Variants in PDE12 observed in about 807,000 individuals in gnomAD.
PDE12 encodes the protein phosphodiesterase 12.
In PDE12, 26 loss-of-function variants were observed where a neutral mutation model predicts 45.4. The observed-to-expected ratio is 0.57, with a 90% confidence interval of 0.42 to 0.79. The LOEUF is 0.79. PDE12 is among the 30% of genes least tolerant of loss of function. The pLI is 0.00. For missense variants in PDE12, 668 were observed against 790.0 expected, an observed-to-expected ratio of 0.85 and a Z score of 1.85; for synonymous variants, 283 against 323.9, an observed-to-expected ratio of 0.87 and a Z score of 1.36.
the PDE12 span, among the ~76,000 whole-genome samples, chr3:57,643,177 A>G: frequency 6.6e-6 from 1 of 152,152 alleles, no homozygotes; most frequent in Non-Finnish European, 1.5e-5. Context: ...ATATTTTAGG[A>G]TATCAAACTG....
chr3:57,573,589 CTGAT>C, the PDE12 span, among the ~76,000 whole-genome samples: 1 of 152,086 alleles, frequency 6.6e-6, no homozygotes, highest in Non-Finnish European at 1.5e-5. Flanking sequence ...GATTGATCGA[CTGAT>C]TGTTTTGAGG....
the PDE12 span, among the ~76,000 whole-genome samples, chr3:57,591,781 GACA>G: frequency 6.6e-6 from 1 of 151,978 alleles, no homozygotes; most frequent in African/African-American, 2.4e-5. Flanking sequence ...AATGAACTTT[GACA>G]ACATCATGCC....
At chr3:57,607,057 G>A in the PDE12 span, among the ~76,000 whole-genome samples, 1 of 152,144 alleles carries the variant, frequency 6.6e-6, no homozygotes, top group East Asian at 1.9e-4. Context: ...GCTTCCAGAG[G>A]AACAATCAGG....
chr3:57,559,239 A>G (rs999349405), intron 1 of PDE12, 71 bp from the exon 2 acceptor site: 37 of 1,313,728 alleles, frequency 2.8e-5, no homozygotes, highest in Non-Finnish European at 9.8e-6. Context: ...AAAAAAACAA[A>G]CAAACAAACA....
At chr3:57,575,585 G>A in the PDE12 span, 1 of 1,613,318 alleles carries the variant, frequency 6.2e-7, no homozygotes, top group Non-Finnish European at 8.5e-7. Flanking sequence ...TAGTTTATCT[G>A]TCATTTCACT....
At chr3:57,634,816 T>C in the PDE12 span, 2 of 1,425,418 alleles carry the variant, frequency 1.4e-6, no homozygotes, top group South Asian at 1.5e-5. Context: ...TAATCATACA[T>C]ATTACAAAAT....
At chr3:57,590,616 T>C in the PDE12 span, among the ~76,000 whole-genome samples, 1 of 152,254 alleles carries the variant, frequency 6.6e-6, no homozygotes, top group Non-Finnish European at 1.5e-5. Context: ...TTTTCCTTTA[T>C]CTTTCAAATT....
the PDE12 span, among the ~76,000 whole-genome samples, chr3:57,644,732 AAGGGAGGGGAGGGGT>A: frequency 6.1e-5 from 1 of 16,412 alleles, no homozygotes; most frequent in Non-Finnish European, 1.2e-4. Context: ...AGAGGAGGGG[AAGGGAGGGGAGGGGT>A]GGGGAGGGGA....
the PDE12 span, among the ~76,000 whole-genome samples, chr3:57,620,673 C>G: frequency 6.6e-6 from 1 of 151,912 alleles, no homozygotes; most frequent in Admixed American, 6.6e-5. Context: ...GACCGTACTA[C>G]TATTTTGAAC....
At chr3:57,636,936 CAAAAAAA>C in the PDE12 span, among the ~76,000 whole-genome samples, 13 of 52,008 alleles carry the variant, frequency 2.5e-4, no homozygotes, top group South Asian at 3.6e-3. Context: ...GACTCTGTCT[CAAAAAAA>C]AAAAAAAAAA....
chr3:57,644,851 C>T, the PDE12 span, among the ~76,000 whole-genome samples: 1 of 137,138 alleles, frequency 7.3e-6, no homozygotes, highest in Non-Finnish European at 1.6e-5. Flanking sequence ...AAAAACAGGG[C>T]AATGATATGC....
At chr3:57,635,510 T>C in the PDE12 span, among the ~76,000 whole-genome samples, 3 of 152,100 alleles carry the variant, frequency 2.0e-5, no homozygotes, top group Admixed American at 6.6e-5. Context: ...CCCTCCCTCT[T>C]CTCTGCATAA....
the PDE12 span, among the ~76,000 whole-genome samples, chr3:57,647,018 T>C: frequency 6.6e-6 from 1 of 152,186 alleles, no homozygotes; most frequent in Non-Finnish European, 1.5e-5. Flanking sequence ...ACTCTGCTAG[T>C]ATGTTACCAG....
In PDE12 at chr3:57,556,753, T is replaced by C. The variant is rs890256795; in HGVS notation, c.374T>C (p.Leu125Pro). Residue 125 changes from leucine (L) to proline (P), a missense_variant, in exon 1 of 3, where the codon CTG becomes CCG. Leu to Pro is a moderately conservative substitution (Grantham distance 98). Around this residue, in one of 3 missense-constraint regions of PDE12, gnomAD observed 580 missense variants for 662.9 expected, o/e 0.87. Transcript: ENST00000311180. The surrounding 1 kb of genome is among the most constrained non-coding windows in gnomAD (Gnocchi z 5.0). Reference protein sequence around the residue: ...PAVFCEPVVKLYYREEAVAED... With the variant: ...PAVFCEPVVKPYYREEAVAED... ...GTGTTCTGCGAGCCCGTGGTGAAGC[T>C]GTACTACCGGGAAGAGGCAGTGGCT... 6.2e-7 allele frequency: 1 copy of C among 1,602,428 alleles called. No homozygotes were observed. The highest frequency in any genetic ancestry group is 1.3e-5 in the African/African-American group (1 of 74,758).
chr3:57,585,632 A>C, the PDE12 span, among the ~76,000 whole-genome samples: 1 of 151,132 alleles, frequency 6.6e-6, no homozygotes, highest in Non-Finnish European at 1.5e-5. Context: ...AGACCCTATC[A>C]CATTCATCTA....
chr3:57,634,853 TTTA>T, the PDE12 span: 1 of 1,109,938 alleles, frequency 9.0e-7, no homozygotes, highest in Non-Finnish European at 1.2e-6. Flanking sequence ...TTATAATCTG[TTTA>T]TTACTTAAGT....
the PDE12 span, among the ~76,000 whole-genome samples, chr3:57,602,574 CT>C: frequency 6.6e-6 from 1 of 152,048 alleles, no homozygotes; most frequent in Non-Finnish European, 1.5e-5. Context: ...ATTGTCTCCT[CT>C]TTTTTTGTTT....
chr3:57,578,893 G>GTA, the PDE12 span, among the ~76,000 whole-genome samples: 15 of 151,710 alleles, frequency 9.9e-5, no homozygotes, highest in African/African-American at 3.6e-4. Context: ...CTAGAAAAGG[G>GTA]GGGGGGCAAA....
the PDE12 span, chr3:57,641,827 T>C: frequency 2.2e-5 from 26 of 1,191,210 alleles, no homozygotes; most frequent in Non-Finnish European, 3.0e-5. Flanking sequence ...GTTTACTTTT[T>C]TTTTCAATGA....
Sources: gnomAD v4.1 joint callset for allele counts (sites outside exome capture counted in the v4.1 genomes callset) on GRCh38, gnomAD v4.1.1 for gene constraint, gnomAD v4.1.1 regional missense constraint, Gnocchi (gnomAD v3.1) non-coding constraint, MANE v1.5 for transcripts, NCBI Gene and HGNC (gene_info 2026-07-23, HGNC 2026-07-21) for gene names.